The following HSF1 variants were observed in gnomAD, a reference collection of about 807,000 sequenced individuals.
HSF1 encodes the protein heat shock factor protein 1.
HSF1 carries 32 observed loss-of-function variants against 51.7 expected under a neutral mutation model. The observed-to-expected ratio is 0.62, with a 90% CI of 0.47 to 0.83. The LOEUF (loss-of-function observed/expected upper bound fraction) is 0.83, where lower values mean the gene tolerates loss of function less well. Ranked by LOEUF, HSF1 falls within the 40% of genes least tolerant of loss-of-function variation. The pLI, the probability that HSF1 is intolerant of heterozygous loss-of-function variation, is 0.00. For synonymous variants in HSF1, 396 were observed against 309.7 expected, an observed-to-expected ratio of 1.28 and a Z score of -2.92; for missense variants, 727 against 717.0, an observed-to-expected ratio of 1.01 and a Z score of -0.16.
At chr8:144,304,575 C>T (rs533553405) in intron 1 of HSF1, among the ~76,000 whole-genome samples, 3 of 151,530 alleles carry the variant, frequency 2.0e-5, no homozygotes, top group African/African-American at 4.9e-5. Context: ...TAACTACACC[C>T]GGCCAATATA....
intron 1 of HSF1, among the ~76,000 whole-genome samples, chr8:144,298,404 C>T (rs2130340956): frequency 6.6e-6 from 1 of 150,474 alleles, no homozygotes; most frequent in South Asian, 2.1e-4. Context: ...CAAGACCAGC[C>T]TGACCAACAT....
intron 9 of HSF1, chr8:144,313,213 C>T (rs1588667353): frequency 4.5e-6 from 2 of 444,164 alleles, no homozygotes; most frequent in Non-Finnish European, 8.2e-6. Context: ...ACACTGAAAT[C>T]CCTGATCCTT....
chr8:144,312,760 G>GGCCCTCCC, intron 9 of HSF1: 1 of 1,479,188 alleles, frequency 6.8e-7, no homozygotes, highest in East Asian at 2.5e-5. Context: ...CCAGCGCTCG[G>GGCCCTCCC]GCCCTCCCAC....
chr8:144,309,676 C>T (rs1816472078), intron 3 of HSF1, 85 bp downstream of exon 3: 1 of 1,597,882 alleles, frequency 6.3e-7, no homozygotes, highest in Non-Finnish European at 8.5e-7. Flanking sequence ...CCACCCCAGC[C>T]TGCCCCTTCC....
At chr8:144,309,935 T>TTTTATAATGATAC in intron 4 of HSF1, 39 bp downstream of exon 4, 1 of 1,480,700 alleles carries the variant, frequency 6.8e-7, no homozygotes, top group South Asian at 1.3e-5. Context: ...CAGCGGGTCC[T>TTTTATAATGATAC]GGCGCCCACC....
Position 144,297,384 on chromosome 8 carries a change from C to T in HSF1, c.117+5510C>T, listed in dbSNP as rs1815541283. On this transcript the variant is annotated intron_variant, in intron 1 of 12. Transcript: ENST00000528838. The surrounding 1 kb of genome is among the most constrained non-coding windows in gnomAD (Gnocchi z 4.6). Reference sequence around the variant, plus strand: ...CAGTAGCCACCACACTTGTGCACGGCAGCCAGTGACGAGATGTGATGAGAG... The same window carrying T: ...CAGTAGCCACCACACTTGTGCACGGTAGCCAGTGACGAGATGTGATGAGAG... 2.0e-5 allele frequency among the ~76,000 whole-genome samples: 3 copies of T among 152,192 alleles called. No homozygotes were observed. Among genetic ancestry groups the T allele is most frequent in the African/African-American group, 7.2e-5 (3 of 41,436 alleles).
Position 144,313,880 on chromosome 8 carries a change from G to A in HSF1, c.1283G>A (p.Ser428Asn). ...CCCTCGGTGACCGTGCCCGACATGAGCCTGCCTGACCTTGACAGCAGCCTG... is the reference window on the plus strand; with the variant it reads ...CCCTCGGTGACCGTGCCCGACATGAACCTGCCTGACCTTGACAGCAGCCTG... The part of the protein sequence containing the change: ...FSPSVTVPDM[S>N]LPDLDSSLAS... The change falls in exon 11 of 13, where the codon AGC (serine) becomes AAC (asparagine). Residue 428 changes from serine (S) to asparagine (N), a missense_variant. Around this residue, in one of 2 missense-constraint regions of HSF1, gnomAD observed 470 missense variants for 398.8 expected, o/e 1.18. Coordinates refer to ENST00000528838, the MANE Select transcript of HSF1 (RefSeq NM_005526.4). 5.6e-6 allele frequency: 9 copies of A among 1,605,538 alleles called. No individual in the cohort carries two copies. The highest frequency in any genetic ancestry group is 1.1e-5 in the South Asian group (1 of 90,710).
chr8:144,291,870 G>A lies in HSF1; in HGVS notation c.113G>A (p.Ser38Asn). Reference sequence around the variant, plus strand: ...GACACCGACGCGCTCATCTGCTGGAGCCCGGTGAGGGCAGCGCGCGGGCGC... The same window carrying A: ...GACACCGACGCGCTCATCTGCTGGAACCCGGTGAGGGCAGCGCGCGGGCGC... The part of the protein sequence containing the change: ...DPDTDALICW[S>N]PSGNSFHVFD... The change falls in exon 1 of 13, where the codon AGC (serine) becomes AAC (asparagine). Residue 38 changes from serine (S) to asparagine (N), a missense_variant. Ser to Asn is a conservative substitution (Grantham distance 46). This residue lies in a region of HSF1 where 257 missense variants were observed against 318.3 expected (regional missense o/e 0.81). Transcript: ENST00000528838. The surrounding 1 kb of genome is among the most constrained non-coding windows in gnomAD (Gnocchi z 4.1). 6.5e-7 allele frequency: 1 copy of A among 1,528,996 alleles called. No homozygotes were observed. Among genetic ancestry groups the A allele is most frequent in the Non-Finnish European group, 8.8e-7 (1 of 1,142,050 alleles). 94.7% of individuals were successfully genotyped at this position (1,528,996 alleles called of 1,614,324 possible). A position where few individuals can be genotyped will look rare whatever the true frequency, so the allele number is the denominator to read the frequency against.
At position 144,311,302 on chromosome 8, in the gene HSF1, G is replaced by C. The variant is rs781993324; in HGVS notation, c.565-19G>C. 1 of 1,613,712 alleles carries C rather than the reference G, an allele frequency of 6.2e-7. No individual in the cohort carries two copies. The highest frequency in any genetic ancestry group is 1.1e-5 in the South Asian group (1 of 91,084). ...GGGCCCCACAAGGGCCGGGGTAACT[G>C]TGTCCTCTCTCTCCACAGCTCATTC... On this transcript the variant is annotated intron_variant, in intron 5 of 12. Coordinates refer to ENST00000528838, the MANE Select transcript of HSF1 (RefSeq NM_005526.4).
intron 1 of HSF1, among the ~76,000 whole-genome samples, chr8:144,301,512 A>T (rs1258196999): frequency 2.0e-5 from 3 of 152,186 alleles, no homozygotes; most frequent in African/African-American, 7.2e-5. Flanking sequence ...AACCAAAACC[A>T]TATCAAGGTA....
chr8:144,311,727 A>G lies in HSF1; in HGVS notation c.751A>G (p.Ser251Gly), dbSNP rs782407395. 1.7e-5 allele frequency: 27 copies of G among 1,612,282 alleles called. No homozygotes were observed. The Admixed American group carries it at 4.0e-4, about 24-fold the overall frequency. ...CCCCTCCCCAGCCTACAGCAGCTCC[A>G]GCCTCTACGCCCCTGATGCTGTGGC... ...SAPSPAYSSSSLYAPDAVASS... is the reference protein window; with the variant it reads ...SAPSPAYSSSGLYAPDAVASS... The change falls in exon 8 of 13, where the codon AGC becomes GGC. Residue 251 changes from serine (S) to glycine (G), a missense_variant. Ser to Gly is a moderately conservative substitution (Grantham distance 56, BLOSUM62 0). Transcript: ENST00000528838.
chr8:144,294,930 T>C (rs1220599340), intron 1 of HSF1, among the ~76,000 whole-genome samples: 1 of 152,164 alleles, frequency 6.6e-6, no homozygotes, highest in Non-Finnish European at 1.5e-5. Flanking sequence ...TGCACGTGGG[T>C]GGTCCTCCCT....
intron 1 of HSF1, among the ~76,000 whole-genome samples, chr8:144,300,432 T>C (rs1267495846): frequency 2.0e-5 from 3 of 152,092 alleles, no homozygotes; most frequent in East Asian, 1.9e-4. Context: ...TTAGCCAGGA[T>C]GGTCTCAATC....
rs1554843870 is a variant in HSF1 at position 144,309,441 on chromosome 8, CCT to C, written c.227-13_227-12del. On this transcript the variant is annotated splice_polypyrimidine_tract_variant and intron_variant, in intron 2 of 12. Transcript: ENST00000528838. ...GCCCTGAGGCAGAGCTGCCCCCTTCCCTGTTATGTGCAGATGGCTTCCGGAAA... is the reference window on the plus strand; with the variant it reads ...GCCCTGAGGCAGAGCTGCCCCCTTCCGTTATGTGCAGATGGCTTCCGGAAA... 4.3e-6 allele frequency: 7 copies of C among 1,613,768 alleles called. No homozygotes were observed. Among genetic ancestry groups the C allele is most frequent in the Non-Finnish European group, 5.9e-6 (7 of 1,179,926 alleles).
intron 9 of HSF1, 130 bp downstream of exon 9, chr8:144,312,374 C>T (rs964334067): frequency 4.0e-6 from 3 of 750,592 alleles, no homozygotes; most frequent in African/African-American, 1.8e-5. Context: ...CCTCGGAGCT[C>T]GGGGCTGGGG....
At position 144,309,965 on chromosome 8, in the gene HSF1, G is replaced by A. The variant is rs1257433850; in HGVS notation, c.488+69G>A. 4 of 1,562,124 alleles carry A rather than the reference G, an allele frequency of 2.6e-6. No homozygotes were observed. The East Asian group carries it at 6.8e-5, about 27-fold the overall frequency. On this transcript the variant is annotated intron_variant, in intron 4 of 12. Transcript: ENST00000528838. ...CCCACCAAGAGGCCCCGGGTGCTGT[G>A]GGGGCAGGGCCCTGACCGGGGCCAG...
chr8:144,306,190 A>G (rs1816218629), intron 1 of HSF1, among the ~76,000 whole-genome samples: 1 of 151,314 alleles, frequency 6.6e-6, no homozygotes, highest in South Asian at 2.1e-4. Context: ...TTGTTTGAAC[A>G]TATTTGAAAT....
chr8:144,308,458 G>A (rs915835687), intron 1 of HSF1, among the ~76,000 whole-genome samples: 1 of 152,218 alleles, frequency 6.6e-6, no homozygotes, highest in Admixed American at 6.5e-5. Context: ...AATGAAATTA[G>A]GGCTCCATTT....
chr8:144,295,772 A>C (rs1170873899), intron 1 of HSF1, among the ~76,000 whole-genome samples: 1 of 150,858 alleles, frequency 6.6e-6, no homozygotes, highest in Non-Finnish European at 1.5e-5. Flanking sequence ...GTATTGCCCA[A>C]GCTAGTCTGG....
Sources: allele counts gnomAD v4.1 joint callset (sites outside exome capture counted in the v4.1 genomes callset), GRCh38; gene constraint gnomAD v4.1.1; regional missense constraint gnomAD v4.1.1; non-coding constraint Gnocchi (gnomAD v3.1); transcripts MANE v1.5; gene names NCBI Gene and HGNC (gene_info 2026-07-23, HGNC 2026-07-21).